Variants in TMEM38B observed in about 807,000 individuals in gnomAD.
TMEM38B encodes the protein transmembrane protein 38B.
In TMEM38B, 24 loss-of-function variants were observed where a neutral mutation model predicts 28.7. The ratio of observed to expected loss-of-function variants is 0.84; its 90% CI spans 0.61 to 1.18. TMEM38B has a LOEUF of 1.18. Among genes scored for constraint, TMEM38B ranks in the 50% most tolerant of loss-of-function variants. The pLI is 0.00. For synonymous variants in TMEM38B, 131 were observed against 127.7 expected (o/e 1.03, Z -0.17); for missense variants, 380 against 350.9 (o/e 1.08, Z -0.66).
chr9:105,710,415 G>A (rs1181474251), intron 2 of TMEM38B: 25 of 1,044,034 alleles, frequency 2.4e-5, no homozygotes, highest in Non-Finnish European at 3.4e-5. Context: ...TCATAACTTC[G>A]GCTTCTAGGA....
chr9:105,739,646 T>C (rs536599093), intron 4 of TMEM38B, among the ~76,000 whole-genome samples: 77 of 152,148 alleles, frequency 5.1e-4, no homozygotes, highest in African/African-American at 1.7e-3. Flanking sequence ...TGCCTCAGCC[T>C]CCCAAGTAGC....
chr9:105,709,808 CAA>C (rs995439415), intron 2 of TMEM38B, among the ~76,000 whole-genome samples: 9 of 152,286 alleles, frequency 5.9e-5, no homozygotes, highest in Admixed American at 2.6e-4. Flanking sequence ...CCAAAATAAA[CAA>C]AGGCAAGATT....
chr9:105,772,711 T>C (rs1286623726), intron 5 of TMEM38B, among the ~76,000 whole-genome samples: 1 of 152,162 alleles, frequency 6.6e-6, no homozygotes, highest in South Asian at 2.1e-4. Context: ...ATTAGCTGTT[T>C]TAAAATACAC....
intron 5 of TMEM38B, among the ~76,000 whole-genome samples, chr9:105,761,261 T>C (rs907774346): frequency 6.6e-6 from 1 of 152,186 alleles, no homozygotes; most frequent in Non-Finnish European, 1.5e-5. Flanking sequence ...TTTCCACTTT[T>C]GATCTATTTA....
At chr9:105,737,535 G>A (rs1465587001) in intron 4 of TMEM38B, among the ~76,000 whole-genome samples, 3 of 152,192 alleles carry the variant, frequency 2.0e-5, no homozygotes, top group Non-Finnish European at 4.4e-5. Flanking sequence ...AGGGCAAGCA[G>A]TAGCACAATG....
intron 5 of TMEM38B, chr9:105,759,025 T>A (rs1247312782): frequency 1.1e-6 from 1 of 912,798 alleles, no homozygotes; most frequent in Non-Finnish European, 1.9e-6. Flanking sequence ...CATGGAGTAG[T>A]TACACTACAA....
intron 4 of TMEM38B, among the ~76,000 whole-genome samples, chr9:105,744,032 C>T (rs1837298741): frequency 6.6e-6 from 1 of 151,942 alleles, no homozygotes; most frequent in Admixed American, 6.6e-5. Context: ...TATAACTCAG[C>T]ATTTTCTTTT....
chr9:105,746,733 T>C (rs1588449100), intron 4 of TMEM38B, among the ~76,000 whole-genome samples: 1 of 152,202 alleles, frequency 6.6e-6, no homozygotes, highest in South Asian at 2.1e-4. Flanking sequence ...ATAGCTCTTA[T>C]TATTTTGAGA....
At chr9:105,695,698 C>T (rs1051444759) in intron 1 of TMEM38B, among the ~76,000 whole-genome samples, 1 of 152,116 alleles carries the variant, frequency 6.6e-6, no homozygotes. Context: ...CCTTGCCCTA[C>T]GGATAGTTGA....
At chr9:105,747,627 T>C (rs1374681514) in intron 4 of TMEM38B, among the ~76,000 whole-genome samples, 1 of 152,198 alleles carries the variant, frequency 6.6e-6, no homozygotes, top group Admixed American at 6.5e-5. Context: ...AGCTTTTGAA[T>C]GTGTTTGCTC....
Position 105,719,223 on chromosome 9 carries a change from G to A in TMEM38B, c.270-2314G>A, listed in dbSNP as rs910587037. Among the ~76,000 whole-genome samples, 12 of 152,070 alleles carry A rather than the reference G, an allele frequency of 7.9e-5. No individual in the cohort carries two copies. In the East Asian group the frequency reaches 9.6e-4, roughly 12 times the overall value. On this transcript the variant is annotated intron_variant, in intron 2 of 5. Coordinates refer to ENST00000374692, the MANE Select transcript of TMEM38B (RefSeq NM_018112.3). ...GTCTTGTTTGTATCCCGTTTGAGACGTTTATTCTTTCGTTATTTTTTCTCT... is the reference window on the plus strand; with the variant it reads ...GTCTTGTTTGTATCCCGTTTGAGACATTTATTCTTTCGTTATTTTTTCTCT...
intron 4 of TMEM38B, 144 bp downstream of exon 4, chr9:105,722,765 G>T: frequency 1.7e-6 from 1 of 583,908 alleles, no homozygotes; most frequent in South Asian, 2.9e-5. Flanking sequence ...AAGAGAACTA[G>T]CAAATTTTGT....
chr9:105,744,255 T>C (rs1317902805), intron 4 of TMEM38B, among the ~76,000 whole-genome samples: 1 of 152,000 alleles, frequency 6.6e-6, no homozygotes, highest in African/African-American at 2.4e-5. Flanking sequence ...CAAAAGATAA[T>C]CCTGAATAAC....
At chr9:105,756,945 T>C (rs953311378) in intron 5 of TMEM38B, among the ~76,000 whole-genome samples, 1 of 152,160 alleles carries the variant, frequency 6.6e-6, no homozygotes, top group Non-Finnish European at 1.5e-5. Flanking sequence ...GGGGGACAGG[T>C]GTTTTTTTGG....
chr9:105,726,409 T>A lies in TMEM38B; in HGVS notation c.542+3788T>A, dbSNP rs193229596. 3.9e-5 allele frequency among the ~76,000 whole-genome samples: 6 copies of A among 152,274 alleles called. No individual in the cohort carries two copies. In the East Asian group the frequency reaches 9.6e-4, roughly 24 times the overall value. ...AAGATTTGTTTTTTACTTTTTAAAC[T>A]TTTTTTGTTAAAAATGAAGACATAA... On this transcript the variant is annotated intron_variant, in intron 4 of 5. Transcript: ENST00000374692.
intron 5 of TMEM38B, chr9:105,759,265 G>T: frequency 1.4e-6 from 1 of 722,702 alleles, no homozygotes; most frequent in South Asian, 1.6e-5. Flanking sequence ...GTTTCAGATA[G>T]ATCCAGTGGG....
chr9:105,709,463 C>T (rs1381509703), intron 2 of TMEM38B, among the ~76,000 whole-genome samples: 3 of 151,966 alleles, frequency 2.0e-5, no homozygotes, highest in Admixed American at 1.3e-4. Context: ...AATATTGTAA[C>T]GAATAATACA....
chr9:105,735,224 A>T (rs1236615456), intron 4 of TMEM38B, among the ~76,000 whole-genome samples: 2 of 152,070 alleles, frequency 1.3e-5, no homozygotes, highest in Non-Finnish European at 2.9e-5. Flanking sequence ...GCCTTAATTT[A>T]CTTTTTTACC....
In TMEM38B at chr9:105,722,752, G is replaced by C. The variant is rs998562371; in HGVS notation, c.542+131G>C. The C allele has an allele frequency of 4.7e-6, 3 of 644,014 alleles. No individual in the cohort carries two copies. In the African/African-American group the frequency reaches 5.7e-5, roughly 12 times the overall value. 39.9% of individuals were successfully genotyped at this position (644,014 alleles called of 1,614,324 possible). On this transcript the variant is annotated intron_variant, in intron 4 of 5. Transcript: ENST00000374692. ...TGAAAATATAAATAGTAATGATAAT[G>C]GGAAGAGAACTAGCAAATTTTGTTC...
Sources: gnomAD v4.1 joint callset for allele counts (sites outside exome capture counted in the v4.1 genomes callset) on GRCh38, gnomAD v4.1.1 for gene constraint, MANE v1.5 for transcripts, NCBI Gene and HGNC (gene_info 2026-07-23, HGNC 2026-07-21) for gene names.